CD47: variants seen among roughly 807,000 people sequenced by gnomAD.
CD47 encodes the protein CD47 molecule.
In CD47, 11 loss-of-function variants were observed where a neutral mutation model predicts 44.6. The ratio of observed to expected loss-of-function variants is 0.25; its 90% CI spans 0.16 to 0.41. The LOEUF is 0.41. CD47 is among the 10% of genes least tolerant of loss of function. CD47 has a pLI of 1.00. For synonymous variants in CD47, 140 were observed against 136.3 expected (o/e 1.03, Z -0.19); for missense variants, 306 against 386.7 (o/e 0.79, Z 1.75).
At chr3:108,049,103 TCTCTCTCTC>T (rs2078775925) in intron 10 of CD47, among the ~76,000 whole-genome samples, 1 of 2,144 alleles carries the variant, frequency 4.7e-4, no homozygotes, top group African/African-American at 1.4e-3. Context: ...CATCTCTCTC[TCTCTCTCTC>T]TCTCTCTCTC....
chr3:108,088,875 CTGAGA>C (rs898507025), intron 1 of CD47, among the ~76,000 whole-genome samples: 1 of 152,172 alleles, frequency 6.6e-6, no homozygotes, highest in African/African-American at 2.4e-5. Flanking sequence ...AAATGAGTAT[CTGAGA>C]TAACTTCTTT....
rs560139514 is a variant in CD47, at chr3:108,056,630, T to C, written c.877+847A>G. ...GATAGGTGGTTAAGAGTATGTTTTA[T>C]TTCATAAAAATATAATTTTTTTAAA... is the stretch of plus-strand genomic sequence containing the variant. On this transcript the variant is annotated intron_variant, in intron 7 of 10. Transcript: ENST00000361309. Among the ~76,000 whole-genome samples, 354 of 152,274 alleles carry C rather than the reference T, an allele frequency of 2.3e-3. 1 individual carries two copies. The highest frequency in any genetic ancestry group is 8.1e-3 in the African/African-American group (338 of 41,586).
intron 10 of CD47, among the ~76,000 whole-genome samples, chr3:108,048,033 A>G (rs1459112604): frequency 2.0e-5 from 3 of 152,030 alleles, no homozygotes; most frequent in African/African-American, 7.3e-5. Context: ...CAATGACACC[A>G]CCAAGGAAAA....
At position 108,043,446 on chromosome 3, in the gene CD47, A is replaced by C. The variant is rs898244567; in HGVS notation, c.*3842T>G. The C allele has an allele frequency of 2.0e-5, 3 of 152,516 alleles. No homozygotes were observed. The highest frequency in any genetic ancestry group is 7.2e-5 in the African/African-American group (3 of 41,440). The allele number at this position is 152,516 out of a possible 1,614,324, so 9.4% of individuals were successfully genotyped here. A position where few individuals can be genotyped will look rare whatever the true frequency, so the allele number is the denominator to read the frequency against. On this transcript the variant is annotated 3_prime_UTR_variant, in exon 11 of 11. Coordinates refer to ENST00000361309, the MANE Select transcript of CD47 (RefSeq NM_001777.4). ...ATAAATTGATTTAATACATATAAAA[A>C]AAAAAACCTTTAACGGTAACACAGC...
intron 3 of CD47, among the ~76,000 whole-genome samples, chr3:108,063,524 T>A (rs1329337230): frequency 6.6e-6 from 1 of 152,228 alleles, no homozygotes; most frequent in Admixed American, 6.5e-5. Context: ...GGCAAGGAAT[T>A]TGATATAATA....
chr3:108,063,176 G>A (rs532387482), intron 3 of CD47, among the ~76,000 whole-genome samples: 9 of 152,154 alleles, frequency 5.9e-5, no homozygotes, highest in Non-Finnish European at 1.3e-4. Context: ...CTGTTGATTA[G>A]TTCAACTACT....
intron 5 of CD47, among the ~76,000 whole-genome samples, chr3:108,058,751 A>G (rs1302238049): frequency 6.6e-6 from 1 of 152,206 alleles, no homozygotes; most frequent in Admixed American, 6.5e-5. Context: ...TCTTCTCCAC[A>G]TGCACATGGA....
chr3:108,058,000 G>A (rs553678356), intron 6 of CD47, among the ~76,000 whole-genome samples: 1 of 152,284 alleles, frequency 6.6e-6, no homozygotes, highest in East Asian at 1.9e-4. Flanking sequence ...ATGCTGTCAA[G>A]TATATGAATG....
intron 2 of CD47, among the ~76,000 whole-genome samples, chr3:108,075,311 G>T (rs1415517918): frequency 6.6e-6 from 1 of 152,108 alleles, no homozygotes; most frequent in African/African-American, 2.4e-5. Flanking sequence ...CTTTCAAGCT[G>T]AAGTGTTATT....
At position 108,044,460 on chromosome 3, in the gene CD47, A is replaced by AAAAC. The variant is rs1559963753; in HGVS notation, c.*2827_*2828insGTTT. 2.2e-5 allele frequency: 2 copies of AAAAC among 91,550 alleles called. No homozygotes were observed. The highest frequency in any genetic ancestry group is 7.4e-4 in the East Asian group (1 of 1,350). The allele number at this position is 91,550 out of a possible 1,614,324, so 5.7% of individuals were successfully genotyped here. A position where few individuals can be genotyped will look rare whatever the true frequency, so the allele number is the denominator to read the frequency against. ...AAAAAAAAAAAAACAAAAAAAAAAA[A>AAAAC]CAGAAAGAAAGAAAACTCTCAAGCT... On this transcript the variant is annotated 3_prime_UTR_variant, in exon 11 of 11. Coordinates refer to ENST00000361309, the MANE Select transcript of CD47 (RefSeq NM_001777.4).
At chr3:108,073,493 C>T (rs987678238) in intron 2 of CD47, among the ~76,000 whole-genome samples, 13 of 151,806 alleles carry the variant, frequency 8.6e-5, no homozygotes, top group African/African-American at 2.2e-4. Context: ...GGGAGAGGAA[C>T]GAAACTAAGC....
intron 1 of CD47, among the ~76,000 whole-genome samples, chr3:108,084,879 C>A (rs1334652853): frequency 1.3e-5 from 2 of 152,010 alleles, no homozygotes; most frequent in Non-Finnish European, 2.9e-5. Context: ...CGAACTACTG[C>A]CATACCCTTC....
Position 108,052,063 on chromosome 3 carries a change from C to A in CD47, c.878-93G>T, listed in dbSNP as rs370534934. 3.5e-5 allele frequency: 22 copies of A among 632,128 alleles called. 1 individual carries two copies. In the East Asian group the frequency reaches 5.7e-4, roughly 16 times the overall value. The allele number at this position is 632,128 out of a possible 1,614,324, so 39.2% of individuals were successfully genotyped here. A position where few individuals can be genotyped will look rare whatever the true frequency, so the allele number is the denominator to read the frequency against. ...TAATTTTAAGATAAAATGTTCAGGG[C>A]TAAAACTAAAGGTGCCAGAGATGTT... On this transcript the variant is annotated intron_variant, in intron 7 of 10. Coordinates refer to ENST00000361309, the MANE Select transcript of CD47 (RefSeq NM_001777.4).
At chr3:108,066,122 AAGGTAGTGTAATG>A (rs1420800912) in intron 3 of CD47, among the ~76,000 whole-genome samples, 1 of 152,146 alleles carries the variant, frequency 6.6e-6, no homozygotes, top group African/African-American at 2.4e-5. Context: ...GTAGGATCTC[AAGGTAGTGTAATG>A]AGAACTTTTT....
chr3:108,047,337 T>C, intron 10 of CD47, 45 bp from the exon 11 acceptor site: 1 of 1,514,466 alleles, frequency 6.6e-7, no homozygotes. Flanking sequence ...TCGTGTCTAT[T>C]TTCTATCCAT....
At chr3:108,051,763 C>T (rs542344343) in intron 8 of CD47, 176 bp downstream of exon 8, 2 of 691,798 alleles carry the variant, frequency 2.9e-6, no homozygotes, top group Non-Finnish European at 5.5e-6. Flanking sequence ...CTAAAATGAC[C>T]AAACACAGGT....
intron 2 of CD47, among the ~76,000 whole-genome samples, chr3:108,071,614 G>C (rs934674419): frequency 1.3e-5 from 2 of 152,170 alleles, no homozygotes; most frequent in Non-Finnish European, 2.9e-5. Context: ...TTGAAGGACT[G>C]TTGTAACTAT....
At chr3:108,051,823 A>G in intron 8 of CD47, 116 bp downstream of exon 8, 2 of 809,210 alleles carry the variant, frequency 2.5e-6, no homozygotes. Context: ...AATGACTTCA[A>G]CATTCTCTTA....
chr3:108,061,700 T>G (rs976254122), intron 3 of CD47, among the ~76,000 whole-genome samples: 2 of 152,142 alleles, frequency 1.3e-5, no homozygotes, highest in Non-Finnish European at 2.9e-5. Context: ...TTGGTTAATA[T>G]TGAAGTTGAT....
Sources: allele counts gnomAD v4.1 joint callset (sites outside exome capture counted in the v4.1 genomes callset), GRCh38; gene constraint gnomAD v4.1.1; transcripts MANE v1.5; gene names NCBI Gene and HGNC (gene_info 2026-07-23, HGNC 2026-07-21).